Variants in JAKMIP2 observed in about 807,000 individuals in gnomAD.
JAKMIP2 encodes the protein janus kinase and microtubule-interacting protein 2.
In JAKMIP2, 25 loss-of-function variants were observed where a neutral mutation model predicts 115.0. The ratio of observed to expected loss-of-function variants is 0.22; its 90% CI spans 0.16 to 0.30. JAKMIP2 has a LOEUF of 0.30. JAKMIP2 is among the 10% of genes least tolerant of loss of function. The probability of loss-of-function intolerance (pLI) is 1.00; values close to 1 mark genes in which losing one functional copy is unlikely to be tolerated. For synonymous variants in JAKMIP2, 334 were observed against 343.6 expected, an observed-to-expected ratio of 0.97 and a Z score of 0.31; for missense variants, 642 against 957.6, an observed-to-expected ratio of 0.67 and a Z score of 4.35.
chr5:147,645,780 C>G (rs1393108443), intron 5 of JAKMIP2, among the ~76,000 whole-genome samples: 1 of 152,204 alleles, frequency 6.6e-6, no homozygotes, highest in African/African-American at 2.4e-5. Flanking sequence ...CCTCTGCTGG[C>G]TAGATGCCAG....
rs1397751430 is a variant in JAKMIP2 at position 147,590,283 on chromosome 5, T to G, written c.*1424A>C. ...CCCCATAAATAAAACTTCAAAAATT[T>G]GAAAAATTGAGGTTGTTCTGTTATC... On this transcript the variant is annotated 3_prime_UTR_variant, in exon 22 of 22. Coordinates refer to ENST00000616793, the MANE Select transcript of JAKMIP2 (RefSeq NM_001270941.2). 6.6e-6 allele frequency: 1 copy of G among 152,204 alleles called. No individual in the cohort carries two copies. The allele number at this position is 152,204 out of a possible 1,614,324, so 9.4% of individuals were successfully genotyped here.
chr5:147,643,225 T>G (rs1757964690), intron 7 of JAKMIP2, among the ~76,000 whole-genome samples: 1 of 152,292 alleles, frequency 6.6e-6, no homozygotes, highest in East Asian at 1.9e-4. Context: ...TTGTAACATA[T>G]AGTCAACATA....
At position 147,606,436 on chromosome 5, in the gene JAKMIP2, G is replaced by A. The variant is rs957239264; in HGVS notation, c.2413-4625C>T. 2.6e-4 allele frequency among the ~76,000 whole-genome samples: 39 copies of A among 152,316 alleles called. 1 individual carries two copies. Among genetic ancestry groups the A allele is most frequent in the South Asian group, 4.1e-4 (2 of 4,824 alleles). Reference sequence around the variant, plus strand: ...TTTTCTGAACACCTTTTATTAAATAGGGAATCCTTTCCCCATTGCTTGTTT... The same window carrying A: ...TTTTCTGAACACCTTTTATTAAATAAGGAATCCTTTCCCCATTGCTTGTTT... On this transcript the variant is annotated intron_variant, in intron 20 of 21. Coordinates refer to ENST00000616793, the MANE Select transcript of JAKMIP2 (RefSeq NM_001270941.2).
In JAKMIP2 at chr5:147,618,055, C is replaced by T. The variant is rs1756669952; in HGVS notation, c.2202G>A (p.Lys734=). The T allele has an allele frequency of 6.2e-7, 1 of 1,614,078 alleles. No individual in the cohort carries two copies. The highest frequency in any genetic ancestry group is 1.1e-5 in the South Asian group (1 of 91,092). Residue 734 remains lysine, a synonymous_variant, in exon 19 of 22, where the codon AAG becomes AAA. Transcript: ENST00000616793. ...GTTTTTCACTTAATAATTCACCAAACTTGATAACAGTTTCTTGCTGTAGAG... is the reference window on the plus strand; with the variant it reads ...GTTTTTCACTTAATAATTCACCAAATTTGATAACAGTTTCTTGCTGTAGAG... ...YNALQQETVI[K]FGELLSEKQQ...
At position 147,587,248 on chromosome 5, in the gene JAKMIP2, A is replaced by G. The variant is rs1754910380; in HGVS notation, c.*4459T>C. 6.6e-6 allele frequency: 1 copy of G among 152,210 alleles called. No homozygotes were observed. Among genetic ancestry groups the G allele is most frequent in the Non-Finnish European group, 1.5e-5 (1 of 68,036 alleles). 9.4% of individuals were successfully genotyped at this position (152,210 alleles called of 1,614,324 possible). ...GATTTGCTTTGAATGTTTATCATTC[A>G]AAAGTTATATTGAATTTTTTCAATG... is the stretch of plus-strand genomic sequence containing the variant. On this transcript the variant is annotated 3_prime_UTR_variant, in exon 22 of 22. Coordinates refer to ENST00000616793, the MANE Select transcript of JAKMIP2 (RefSeq NM_001270941.2).
At chr5:147,762,239 T>C (rs1754953301) in intron 1 of JAKMIP2, among the ~76,000 whole-genome samples, 1 of 152,138 alleles carries the variant, frequency 6.6e-6, no homozygotes, top group Non-Finnish European at 1.5e-5. Flanking sequence ...ACTAAAATCA[T>C]ATTGAGAGCA....
chr5:147,766,411 A>C (rs1561583891), intron 1 of JAKMIP2, among the ~76,000 whole-genome samples: 1 of 152,182 alleles, frequency 6.6e-6, no homozygotes, highest in African/African-American at 2.4e-5. Context: ...AATTAACAAA[A>C]CAAAAATCCA....
rs779304489 is a variant in JAKMIP2 at position 147,632,746 on chromosome 5, T to C, written c.1710A>G (p.Leu570=). 1.2e-6 allele frequency: 2 copies of C among 1,613,324 alleles called. No homozygotes were observed. Among genetic ancestry groups the C allele is most frequent in the South Asian group, 1.1e-5 (1 of 90,962 alleles). The change falls in exon 13 of 22, where the codon TTA becomes TTG. Residue 570 remains leucine, a synonymous_variant. Transcript: ENST00000616793. Reference sequence around the variant, plus strand: ...CTCTGGCGTCCTGTAGTTCTTGTTGTAACCGGTGATTTTCTGCCTCCTGTT... The same window carrying C: ...CTCTGGCGTCCTGTAGTTCTTGTTGCAACCGGTGATTTTCTGCCTCCTGTT... ...IEKQEAENHR[L]QQELQDARDQ...
At chr5:147,755,289 A>G (rs761512487) in intron 1 of JAKMIP2, among the ~76,000 whole-genome samples, 2 of 152,168 alleles carry the variant, frequency 1.3e-5, no homozygotes, top group African/African-American at 2.4e-5. Context: ...GAACCAATGT[A>G]TATCTTATAC....
rs138568411 is a variant in JAKMIP2 at position 147,650,538 on chromosome 5, T to C, written c.637A>G (p.Ile213Val). ...ERDIRRLMDEIKAKDRIIFSL... is the reference protein window; with the variant it reads ...ERDIRRLMDEVKAKDRIIFSL... ...AAGATGATCCTGTCCTTGGCTTTGA[T>C]TTCATCCATCTGAATTAAATGAGAC... Residue 213 changes from isoleucine to valine, a missense_variant, in exon 4 of 22, where the codon ATC (isoleucine) becomes GTC (valine). Physicochemically the swap from Ile to Val is conservative, Grantham distance 29. This residue lies in a region of JAKMIP2 where 439 missense variants were observed against 570.9 expected (regional missense o/e 0.77). Coordinates refer to ENST00000616793, the MANE Select transcript of JAKMIP2 (RefSeq NM_001270941.2). 82 of 1,612,328 alleles carry C rather than the reference T, an allele frequency of 5.1e-5. No homozygotes were observed. Among genetic ancestry groups the C allele is most frequent in the Non-Finnish European group, 6.7e-5 (79 of 1,179,224 alleles).
At chr5:147,654,417 G>A (rs1243374406) in intron 3 of JAKMIP2, among the ~76,000 whole-genome samples, 1 of 152,062 alleles carries the variant, frequency 6.6e-6, no homozygotes, top group African/African-American at 2.4e-5. Context: ...TCCCCTTGAA[G>A]AGGTCCCTAA....
chr5:147,626,108 A>G (rs1221675828), intron 16 of JAKMIP2, among the ~76,000 whole-genome samples: 3 of 152,194 alleles, frequency 2.0e-5, no homozygotes, highest in Non-Finnish European at 4.4e-5. Flanking sequence ...TAGTCTCAAG[A>G]CATTCATTGT....
In JAKMIP2 at chr5:147,644,978, T is replaced by A; in HGVS notation, c.955A>T (p.Thr319Ser). 1.2e-6 allele frequency: 2 copies of A among 1,613,146 alleles called. No homozygotes were observed. Among genetic ancestry groups the A allele is most frequent in the Non-Finnish European group, 1.7e-6 (2 of 1,179,836 alleles). Residue 319 changes from threonine (T) to serine (S), a missense_variant, in exon 6 of 22, where the codon ACC (threonine) becomes TCC (serine). Physicochemically the swap from Thr to Ser is moderately conservative, Grantham distance 58 (BLOSUM62 1). Around this residue, in one of 6 missense-constraint regions of JAKMIP2, gnomAD observed 439 missense variants for 570.9 expected, o/e 0.77. Coordinates refer to ENST00000616793, the MANE Select transcript of JAKMIP2 (RefSeq NM_001270941.2). ...RNELLKRVRE[T>S]EKQCKPLLER... Reference sequence around the variant, plus strand: ...AGGAGAGGTTTACATTGCTTTTCGGTTTCCCGCACACGTTTTAACTGGGAA... The same window carrying A: ...AGGAGAGGTTTACATTGCTTTTCGGATTCCCGCACACGTTTTAACTGGGAA...
chr5:147,615,368 A>G lies in JAKMIP2; in HGVS notation c.2346+2543T>C, dbSNP rs181332176. Among the ~76,000 whole-genome samples, 97 of 152,310 alleles carry G rather than the reference A, an allele frequency of 6.4e-4. 1 individual carries two copies. Among genetic ancestry groups the G allele is most frequent in the Non-Finnish European group, 3.5e-4 (24 of 68,020 alleles). On this transcript the variant is annotated intron_variant, in intron 19 of 21. Coordinates refer to ENST00000616793, the MANE Select transcript of JAKMIP2 (RefSeq NM_001270941.2). ...ACTAATGGACACTTTAGGATGAGCA[A>G]TTATGCAACAAGGGCTTAGAGGTGG...
chr5:147,776,140 T>C (rs983523608), intron 1 of JAKMIP2, among the ~76,000 whole-genome samples: 1 of 152,182 alleles, frequency 6.6e-6, no homozygotes, highest in African/African-American at 2.4e-5. Flanking sequence ...ATGAATTCAT[T>C]ATGAAATAAT....
At chr5:147,736,991 A>T (rs1285603131) in intron 1 of JAKMIP2, among the ~76,000 whole-genome samples, 12 of 152,192 alleles carry the variant, frequency 7.9e-5, no homozygotes, top group Admixed American at 7.9e-4. Context: ...AGGGCTGACT[A>T]TCTGATGTCA....
chr5:147,757,680 A>ATT (rs1738317176), intron 1 of JAKMIP2, among the ~76,000 whole-genome samples: 1 of 152,112 alleles, frequency 6.6e-6, no homozygotes, highest in African/African-American at 2.4e-5. Flanking sequence ...ATTAAATGAG[A>ATT]TAATGCGTGT....
Position 147,632,797 on chromosome 5 carries a change from A to G in JAKMIP2, c.1678-19T>C, listed in dbSNP as rs1022742613. ...TTTCTATCTAATAAAGTAAATCCTG[A>G]AGTTAGGTAAGCATTGAGAAAAGCA... On this transcript the variant is annotated intron_variant, in intron 12 of 21. Transcript: ENST00000616793. The G allele has an allele frequency of 6.6e-7, 1 of 1,514,422 alleles. No individual in the cohort carries two copies. Among genetic ancestry groups the G allele is most frequent in the Non-Finnish European group, 9.2e-7 (1 of 1,091,734 alleles). The allele number at this position is 1,514,422 out of a possible 1,614,324, so 93.8% of individuals were successfully genotyped here.
intron 1 of JAKMIP2, among the ~76,000 whole-genome samples, chr5:147,759,067 A>T (rs1754842257): frequency 6.6e-6 from 1 of 152,120 alleles, no homozygotes; most frequent in Non-Finnish European, 1.5e-5. Flanking sequence ...GTTATGTCTT[A>T]TCTTTTGATC....
Sources: gnomAD v4.1 joint callset for allele counts (sites outside exome capture counted in the v4.1 genomes callset) on GRCh38, gnomAD v4.1.1 for gene constraint, gnomAD v4.1.1 regional missense constraint, MANE v1.5 for transcripts, NCBI Gene and HGNC (gene_info 2026-07-23, HGNC 2026-07-21) for gene names.